Variants in DNTTIP1 observed in about 807,000 individuals in gnomAD.
DNTTIP1 encodes the protein deoxynucleotidyltransferase terminal interacting protein 1.
In DNTTIP1, 22 loss-of-function variants were observed where a neutral mutation model predicts 52.9. The observed-to-expected ratio is 0.42, with a 90% confidence interval of 0.30 to 0.59. The LOEUF is 0.59. Ranked by LOEUF, DNTTIP1 falls within the 20% of genes least tolerant of loss-of-function variation. DNTTIP1 has a pLI of 0.22. For synonymous variants in DNTTIP1, 136 were observed against 155.1 expected (o/e 0.88, Z 0.92); for missense variants, 286 against 435.5 (o/e 0.66, Z 3.06).
intron 9 of DNTTIP1, 22 bp downstream of exon 9, chr20:45,805,226 CTGAT>C (rs1450230267): frequency 6.2e-7 from 1 of 1,614,078 alleles, no homozygotes; most frequent in Admixed American, 1.7e-5. Context: ...AGCTTTGGCA[CTGAT>C]TGAGGAAACA....
chr20:45,800,693 AAATATAT>A (rs1981419047), intron 4 of DNTTIP1, among the ~76,000 whole-genome samples: 1 of 30,538 alleles, frequency 3.3e-5, no homozygotes, highest in Non-Finnish European at 6.1e-5. Context: ...AAAAAAAAAA[AAATATAT>A]ATATATATAT....
intron 12 of DNTTIP1, 32 bp from the exon 13 acceptor site, chr20:45,811,024 TC>T: frequency 6.2e-7 from 1 of 1,612,986 alleles, no homozygotes; most frequent in Non-Finnish European, 8.5e-7. Flanking sequence ...CATCCTCACT[TC>T]CCCCAACTTC....
In DNTTIP1 at chr20:45,811,205, C is replaced by G; in HGVS notation, c.*10C>G. Reference sequence around the variant, plus strand: ...ACCTCCACAGACCTGAGGCCGGGTCCCCTGGCCACACTTGGCAGCCCTCCT... The same window carrying G: ...ACCTCCACAGACCTGAGGCCGGGTCGCCTGGCCACACTTGGCAGCCCTCCT... On this transcript the variant is annotated 3_prime_UTR_variant, in exon 13 of 13. Coordinates refer to ENST00000372622, the MANE Select transcript of DNTTIP1 (RefSeq NM_052951.3). 6.3e-7 allele frequency: 1 copy of G among 1,595,632 alleles called. No homozygotes were observed. The highest frequency in any genetic ancestry group is 8.5e-7 in the Non-Finnish European group (1 of 1,172,040).
chr20:45,803,110 T>G, intron 7 of DNTTIP1: 3 of 516,858 alleles, frequency 5.8e-6, no homozygotes, highest in Non-Finnish European at 7.0e-6. Flanking sequence ...TCAGAGGTTC[T>G]TGGAGTTGCT....
In DNTTIP1 at chr20:45,793,980, A is replaced by G. The variant is rs753332745; in HGVS notation, c.236A>G (p.Asn79Ser). The stretch of plus-strand genomic sequence containing the variant: ...CGAGCTGTCCTGCAGCCCAGCATCA[A>G]CGAGGAGATCCAGACTGTCTTCAAC... Reference protein sequence around the residue: ...LLRAVLQPSINEEIQTVFNKY... With the variant: ...LLRAVLQPSISEEIQTVFNKY... The change falls in exon 3 of 13, where the codon AAC becomes AGC. Residue 79 changes from asparagine to serine, a missense_variant. Coordinates refer to ENST00000372622, the MANE Select transcript of DNTTIP1 (RefSeq NM_052951.3). The G allele has an allele frequency of 6.2e-7, 1 of 1,601,020 alleles. No homozygotes were observed. The highest frequency in any genetic ancestry group is 1.1e-5 in the South Asian group (1 of 87,476).
rs1253747340 is a variant in DNTTIP1, at chr20:45,811,197, G to C, written c.*2G>C. On this transcript the variant is annotated 3_prime_UTR_variant, in exon 13 of 13. Transcript: ENST00000372622. ...GTTGAAGCACCTCCACAGACCTGAG[G>C]CCGGGTCCCCTGGCCACACTTGGCA... 6.2e-7 allele frequency: 1 copy of C among 1,602,114 alleles called. No homozygotes were observed. The highest frequency in any genetic ancestry group is 1.7e-5 in the Admixed American group (1 of 57,940).
rs757637073 is a variant in DNTTIP1, at chr20:45,801,499, CT to C, written c.498+43del. 15 of 1,608,528 alleles carry C rather than the reference CT, an allele frequency of 9.3e-6. No individual in the cohort carries two copies. The South Asian group carries it at 1.5e-4, about 16-fold the overall frequency. On this transcript the variant is annotated intron_variant, in intron 6 of 12. Transcript: ENST00000372622. ...GTTTTGTTTTCTGGCTGAAAAAAGG[CT>C]TGTCAGGCCGGGTGTGGTGGCTCAC...
chr20:45,796,770 G>T (rs1312683075), intron 4 of DNTTIP1, among the ~76,000 whole-genome samples: 18 of 152,012 alleles, frequency 1.2e-4, no homozygotes, highest in Admixed American at 1.1e-3. Context: ...CTCTTGTCGG[G>T]GTCGCTAGTA....
At chr20:45,793,291 G>A (rs905182562) in intron 2 of DNTTIP1, among the ~76,000 whole-genome samples, 1 of 152,064 alleles carries the variant, frequency 6.6e-6, no homozygotes, top group African/African-American at 2.4e-5. Flanking sequence ...GGCCGGGCGC[G>A]GTGGCTCACG....
Position 45,803,360 on chromosome 20 carries a change from T to C in DNTTIP1, c.585T>C (p.Ile195=). 6.2e-7 allele frequency: 1 copy of C among 1,614,122 alleles called. No individual in the cohort carries two copies. The highest frequency in any genetic ancestry group is 1.1e-5 in the South Asian group (1 of 91,078). The change falls in exon 8 of 13, where the codon ATT becomes ATC. Residue 195 remains isoleucine (I), a synonymous_variant. Transcript: ENST00000372622. The part of the protein sequence containing the change: ...MVWKPKSCEP[I]RREGPKWDPA... Reference sequence around the variant, plus strand: ...GGAAACCAAAATCCTGTGAACCAATTCGCCGGGAAGGCCCCAAGGTATGAT... The same window carrying C: ...GGAAACCAAAATCCTGTGAACCAATCCGCCGGGAAGGCCCCAAGGTATGAT...
intron 4 of DNTTIP1, among the ~76,000 whole-genome samples, chr20:45,799,591 T>G (rs1224208139): frequency 6.6e-6 from 1 of 152,252 alleles, no homozygotes; most frequent in African/African-American, 2.4e-5. Context: ...AGGCCTTCCC[T>G]GGCCATTCCC....
rs2145696698 is a variant in DNTTIP1 at position 45,794,002 on chromosome 20, C to T, written c.258C>T (p.Phe86=). Residue 86 remains phenylalanine, a synonymous_variant, in exon 3 of 13, where the codon TTC becomes TTT. Coordinates refer to ENST00000372622, the MANE Select transcript of DNTTIP1 (RefSeq NM_052951.3). ...PSINEEIQTV[F]NKYMKFFQKA... is the part of the protein sequence containing the mutation. ...TCAACGAGGAGATCCAGACTGTCTT[C>T]AACAAGTACATGAAGGTGAGAGGGA... 2 of 1,593,644 alleles carry T rather than the reference C, an allele frequency of 1.3e-6. No homozygotes were observed. Among genetic ancestry groups the T allele is most frequent in the Non-Finnish European group, 8.6e-7 (1 of 1,169,346 alleles).
intron 4 of DNTTIP1, 68 bp from the exon 5 acceptor site, chr20:45,801,006 A>AT: frequency 5.4e-6 from 7 of 1,298,740 alleles, no homozygotes; most frequent in Non-Finnish European, 7.7e-6. Context: ...AAAAAAAAAA[A>AT]GGAAGTAGGT....
chr20:45,802,301 A>G (rs1036331398), intron 7 of DNTTIP1, among the ~76,000 whole-genome samples: 8 of 152,142 alleles, frequency 5.3e-5, no homozygotes, highest in African/African-American at 1.4e-4. Context: ...TGTCATTGTT[A>G]GTATATATTG....
intron 10 of DNTTIP1, among the ~76,000 whole-genome samples, chr20:45,808,513 G>A (rs1204040831): frequency 6.6e-6 from 1 of 152,010 alleles, no homozygotes; most frequent in Non-Finnish European, 1.5e-5. Flanking sequence ...GGTGGCGCAT[G>A]CCTGTAGTGC....
At chr20:45,797,849 T>C in intron 4 of DNTTIP1, among the ~76,000 whole-genome samples, 1 of 152,156 alleles carries the variant, frequency 6.6e-6, no homozygotes, top group East Asian at 1.9e-4. Context: ...CTGGAGAGGA[T>C]GTGGAGAAAT....
chr20:45,792,394 A>C, intron 1 of DNTTIP1: 1 of 437,502 alleles, frequency 2.3e-6, no homozygotes, highest in Non-Finnish European at 4.1e-6. Context: ...AGGCGGGTAC[A>C]ACGCCCCGGA....
At position 45,806,958 on chromosome 20, in the gene DNTTIP1, TG is replaced by T. The variant is rs1221014771; in HGVS notation, c.723+1594del. Reference sequence around the variant, plus strand: ...TCCCACTTCAGCGTGGTTTAAAGTATGGCTTCAGGCCTGGTTCCATTATTTT... The same window carrying T: ...TCCCACTTCAGCGTGGTTTAAAGTATGCTTCAGGCCTGGTTCCATTATTTT... On this transcript the variant is annotated intron_variant, in intron 10 of 12. Transcript: ENST00000372622. Among the ~76,000 whole-genome samples, 7 of 152,348 alleles carry T rather than the reference TG, an allele frequency of 4.6e-5. No individual in the cohort carries two copies. In the East Asian group the frequency reaches 1.2e-3, roughly 25 times the overall value.
intron 4 of DNTTIP1, among the ~76,000 whole-genome samples, chr20:45,798,172 G>A (rs1302038894): frequency 6.6e-6 from 1 of 152,144 alleles, no homozygotes; most frequent in Non-Finnish European, 1.5e-5. Context: ...ATGAGTTCAT[G>A]TCCTTTTTAG....
Sources: allele counts gnomAD v4.1 joint callset (sites outside exome capture counted in the v4.1 genomes callset), GRCh38; gene constraint gnomAD v4.1.1; transcripts MANE v1.5; gene names NCBI Gene and HGNC (gene_info 2026-07-23, HGNC 2026-07-21).